Variants in MED14 observed in about 807,000 individuals in gnomAD.
MED14 encodes the protein mediator complex subunit 14, also known as mediator of RNA polymerase II transcription subunit 14.
Under a neutral mutation model 109.0 loss-of-function variants are expected in MED14, and 8 were observed. The ratio of observed to expected loss-of-function variants is 0.07; its 90% CI spans 0.04 to 0.13. MED14 has a LOEUF of 0.13. Among genes scored for constraint, MED14 ranks in the 10% least tolerant of loss-of-function variants. The pLI is 1.00. For synonymous variants in MED14, 399 were observed against 408.7 expected, an observed-to-expected ratio of 0.98 and a Z score of 0.29; for missense variants, 711 against 1,142.4, an observed-to-expected ratio of 0.62 and a Z score of 5.44.
chrX:40,727,901 A>C (rs926010282), intron 2 of MED14, among the ~76,000 whole-genome samples: 1 of 111,962 alleles, frequency 8.9e-6, no homozygotes, highest in African/African-American at 3.2e-5. Flanking sequence ...GCTCCTACTG[A>C]GAGCACACAT....
intron 12 of MED14, among the ~76,000 whole-genome samples, chrX:40,699,678 G>A (rs1930850196): frequency 1.8e-5 from 2 of 112,167 alleles, no homozygotes; most frequent in African/African-American, 3.2e-5. Context: ...TATTAAGCAT[G>A]TTAGGATATT....
chrX:40,674,372 G>A (rs754828896), intron 22 of MED14, among the ~76,000 whole-genome samples: 3 of 112,201 alleles, frequency 2.7e-5, no homozygotes, highest in Admixed American at 9.4e-5. Flanking sequence ...TTTAAGCACT[G>A]GAAAGTTGTA....
intron 7 of MED14, among the ~76,000 whole-genome samples, chrX:40,711,869 G>A (rs1001755070): frequency 9.2e-6 from 1 of 108,705 alleles, no homozygotes; most frequent in African/African-American, 3.4e-5. Flanking sequence ...GACCTCAAGT[G>A]ATACACCCGC....
At chrX:40,729,202 C>G in intron 2 of MED14, 117 bp downstream of exon 2, 1 of 650,655 alleles carries the variant, frequency 1.5e-6, no homozygotes, top group Admixed American at 3.8e-5. Flanking sequence ...AAAAATCATT[C>G]TAGACTCTTT....
intron 3 of MED14, among the ~76,000 whole-genome samples, chrX:40,719,885 T>A (rs1431186862): frequency 3.6e-5 from 4 of 112,225 alleles, no homozygotes; most frequent in African/African-American, 1.3e-4. Flanking sequence ...TTATCCAGGT[T>A]GTTTTACCAT....
rs1928799624 is a variant in MED14 at position 40,649,947 on chromosome X, C to T, written c.*1859G>A. ...GCATCATGTGTAAAAATGCAATTAA[C>T]ATTTCAAAACCACATTAAAAGGGAA... On this transcript the variant is annotated 3_prime_UTR_variant, in exon 31 of 31. Transcript: ENST00000324817. The T allele has an allele frequency of 9.3e-6, 7 of 752,905 alleles. No homozygotes were observed. Among genetic ancestry groups the T allele is most frequent in the Non-Finnish European group, 1.1e-5 (7 of 636,725 alleles). 62.0% of individuals were successfully genotyped at this position (752,905 alleles called of 1,213,427 possible).
At position 40,701,201 on chromosome X, in the gene MED14, T is replaced by C; in HGVS notation, c.1454A>G (p.Asp485Gly). 19 of 1,208,652 alleles carry C rather than the reference T, an allele frequency of 1.6e-5. No individual in the cohort carries two copies. Among genetic ancestry groups the C allele is most frequent in the Non-Finnish European group, 2.1e-5 (19 of 892,993 alleles). ...LDDMEKSVNDDMKRIIPWIQQ... is the reference protein window; with the variant it reads ...LDDMEKSVNDGMKRIIPWIQQ... ...AATCCAGGGTATGATTCGTTTCATA[T>C]CATCATTCACAGACTTCTCCATGTC... Residue 485 changes from aspartate to glycine, a missense_variant, in exon 12 of 31, where the codon GAT becomes GGT. Coordinates refer to ENST00000324817, the MANE Select transcript of MED14 (RefSeq NM_004229.4).
chrX:40,684,477 C>T (rs1171478487), intron 16 of MED14, among the ~76,000 whole-genome samples: 1 of 112,324 alleles, frequency 8.9e-6, no homozygotes, highest in Non-Finnish European at 1.9e-5. Flanking sequence ...TAATCTTTCA[C>T]ACTACATACT....
intron 13 of MED14, among the ~76,000 whole-genome samples, chrX:40,695,212 C>T (rs1930681987): frequency 8.9e-6 from 1 of 112,000 alleles, no homozygotes; most frequent in Admixed American, 9.5e-5. Flanking sequence ...TGGATCTGTT[C>T]TGTGCCCTGA....
In MED14 at chrX:40,654,355, G is replaced by T; in HGVS notation, c.4291+9C>A. 2.5e-6 allele frequency: 3 copies of T among 1,208,177 alleles called. No homozygotes were observed. The highest frequency in any genetic ancestry group is 3.4e-6 in the Non-Finnish European group (3 of 892,567). On this transcript the variant is annotated intron_variant, in intron 30 of 30. Transcript: ENST00000324817. ...ATATGCAATAAAATATTGTCTACTG[G>T]TCATGTACCTTGTCGTGGTGGATTC...
chrX:40,666,665 A>G, intron 24 of MED14, 55 bp downstream of exon 24: 1 of 1,162,759 alleles, frequency 8.6e-7, no homozygotes, highest in Non-Finnish European at 1.2e-6. Flanking sequence ...TACTCAACAA[A>G]AATTATTTTC....
chrX:40,672,519 T>A (rs146756684), intron 22 of MED14, among the ~76,000 whole-genome samples: 1,409 of 112,448 alleles, frequency 0.013, 21 homozygotes, highest in African/African-American at 0.043. Flanking sequence ...ATTTTACATA[T>A]TTTCTAGTGG....
intron 3 of MED14, among the ~76,000 whole-genome samples, chrX:40,715,561 C>T (rs1445906088): frequency 9.1e-6 from 1 of 109,690 alleles, no homozygotes; most frequent in East Asian, 2.8e-4. Context: ...CCAAGGTGGG[C>T]AGGTCACGAG....
intron 4 of MED14, 122 bp from the exon 5 acceptor site, chrX:40,714,029 C>A: frequency 1.4e-6 from 1 of 724,368 alleles, no homozygotes; most frequent in Non-Finnish European, 2.0e-6. Context: ...CTCATTTCTG[C>A]AGTCTACTTA....
intron 2 of MED14, 141 bp from the exon 3 acceptor site, chrX:40,726,992 T>G: frequency 2.1e-6 from 1 of 480,339 alleles, no homozygotes. Flanking sequence ...AAAATATTTA[T>G]CTAAATATGA....
rs1353423726 is a variant in MED14, at chrX:40,650,705, G to A, written c.*1101C>T. 4.0e-6 allele frequency: 3 copies of A among 752,357 alleles called. No individual in the cohort carries two copies. The highest frequency in any genetic ancestry group is 4.7e-6 in the Non-Finnish European group (3 of 638,977). 62.0% of individuals were successfully genotyped at this position (752,357 alleles called of 1,213,427 possible). ...GATTCGGGATTCTTCACAATGAGGGGAATGGACCAGGTTTCTTCCAAGCAA... is the reference window on the plus strand; with the variant it reads ...GATTCGGGATTCTTCACAATGAGGGAAATGGACCAGGTTTCTTCCAAGCAA... On this transcript the variant is annotated 3_prime_UTR_variant, in exon 31 of 31. Coordinates refer to ENST00000324817, the MANE Select transcript of MED14 (RefSeq NM_004229.4).
At chrX:40,711,449 C>T in intron 7 of MED14, 148 bp from the exon 8 acceptor site, 1 of 411,061 alleles carries the variant, frequency 2.4e-6, no homozygotes, top group Non-Finnish European at 4.2e-6. Context: ...TCCAATGCCT[C>T]ATCGTAAAAA....
intron 8 of MED14, among the ~76,000 whole-genome samples, chrX:40,710,551 G>C (rs1426813866): frequency 8.9e-6 from 1 of 111,784 alleles, no homozygotes; most frequent in Non-Finnish European, 1.9e-5. Context: ...CCCAAAGAAA[G>C]TTTTTAACAG....
intron 3 of MED14, among the ~76,000 whole-genome samples, chrX:40,724,846 C>G (rs917480695): frequency 2.7e-5 from 3 of 109,996 alleles, no homozygotes; most frequent in Non-Finnish European, 5.7e-5. Flanking sequence ...ATGAAGAAAA[C>G]AATGCAAAAG....
Sources: allele counts gnomAD v4.1 joint callset (sites outside exome capture counted in the v4.1 genomes callset), GRCh38; gene constraint gnomAD v4.1.1; transcripts MANE v1.5; gene names NCBI Gene and HGNC (gene_info 2026-07-23, HGNC 2026-07-21).